Variants in NCKAP5 observed in about 807,000 individuals in gnomAD.
NCKAP5 encodes the protein NCK associated protein 5.
Under a neutral mutation model 167.0 loss-of-function variants are expected in NCKAP5, and 92 were observed. The ratio of observed to expected loss-of-function variants is 0.55; its 90% CI spans 0.47 to 0.66. The LOEUF (loss-of-function observed/expected upper bound fraction) is 0.66. Among genes scored for constraint, NCKAP5 ranks in the 30% least tolerant of loss-of-function variants. The pLI is 0.00. For synonymous variants in NCKAP5, 891 were observed against 877.4 expected (o/e 1.02, Z -0.27); for missense variants, 2,378 against 2,315.0 (o/e 1.03, Z -0.56).
At chr2:132,905,858 T>C (rs1331446251) in intron 8 of NCKAP5, among the ~76,000 whole-genome samples, 1 of 152,172 alleles carries the variant, frequency 6.6e-6, no homozygotes. Flanking sequence ...GTATATACTA[T>C]GCCACTTGCA....
chr2:133,108,508 T>C (rs2081795821), intron 6 of NCKAP5, among the ~76,000 whole-genome samples: 1 of 152,238 alleles, frequency 6.6e-6, no homozygotes, highest in African/African-American at 2.4e-5. Context: ...ATTTCAACTT[T>C]CACTATTATA....
At chr2:133,555,062 T>C (rs1019186732) in intron 2 of NCKAP5, among the ~76,000 whole-genome samples, 2 of 152,190 alleles carry the variant, frequency 1.3e-5, no homozygotes, top group African/African-American at 4.8e-5. Flanking sequence ...TCACTTGATC[T>C]CTGTCAGAGC....
intron 3 of NCKAP5, among the ~76,000 whole-genome samples, chr2:133,336,609 T>C (rs879353681): frequency 2.6e-5 from 4 of 152,156 alleles, no homozygotes; most frequent in Admixed American, 1.3e-4. Flanking sequence ...TATTTTCATA[T>C]ATATTACTGG....
At chr2:133,670,755 C>T in the NCKAP5 span, among the ~76,000 whole-genome samples, 1 of 152,110 alleles carries the variant, frequency 6.6e-6, no homozygotes, top group Admixed American at 6.5e-5. Context: ...AGCTCTGTTG[C>T]TATTCATATT....
chr2:133,273,121 G>A (rs1487219245), intron 4 of NCKAP5, among the ~76,000 whole-genome samples: 1 of 152,136 alleles, frequency 6.6e-6, no homozygotes, highest in Non-Finnish European at 1.5e-5. Context: ...TTGAGGAACT[G>A]CCAAGCTAGT....
At chr2:133,407,524 G>A (rs1688511962) in intron 3 of NCKAP5, among the ~76,000 whole-genome samples, 1 of 152,154 alleles carries the variant, frequency 6.6e-6, no homozygotes, top group Non-Finnish European at 1.5e-5. Flanking sequence ...CCATTTTTGT[G>A]TACCCTCTCC....
chr2:133,618,545 C>T, the NCKAP5 span, among the ~76,000 whole-genome samples: 1 of 149,408 alleles, frequency 6.7e-6, no homozygotes, highest in African/African-American at 2.4e-5. Flanking sequence ...CCAAAAAACA[C>T]ATGAAAAAAT....
chr2:133,595,003 C>G, the NCKAP5 span, among the ~76,000 whole-genome samples: 3 of 152,094 alleles, frequency 2.0e-5, no homozygotes, highest in African/African-American at 7.2e-5. Context: ...AAAGAAATAC[C>G]TGAAATATAA....
the NCKAP5 span, among the ~76,000 whole-genome samples, chr2:133,608,797 T>C: frequency 3.9e-5 from 6 of 152,200 alleles, no homozygotes; most frequent in African/African-American, 1.4e-4. Context: ...GTAACTTTCC[T>C]CTGCACAGAT....
chr2:132,695,457 T>C (rs1006804418), intron 19 of NCKAP5, among the ~76,000 whole-genome samples: 1 of 152,186 alleles, frequency 6.6e-6, no homozygotes, highest in Non-Finnish European at 1.5e-5. Flanking sequence ...AAGTGGCTTT[T>C]TGATCTTGGA....
the NCKAP5 span, among the ~76,000 whole-genome samples, chr2:133,619,722 T>A: frequency 6.6e-6 from 1 of 152,102 alleles, no homozygotes; most frequent in Non-Finnish European, 1.5e-5. Context: ...TTGCTAGAGA[T>A]CTAGACATCC....
chr2:132,985,107 C>A (rs2077252588), intron 7 of NCKAP5, among the ~76,000 whole-genome samples: 1 of 151,814 alleles, frequency 6.6e-6, no homozygotes, highest in South Asian at 2.1e-4. Context: ...AGAGAAGGTG[C>A]TTTTCCAGGG....
intron 6 of NCKAP5, among the ~76,000 whole-genome samples, chr2:133,071,206 G>A (rs1235276924): frequency 6.6e-6 from 1 of 152,058 alleles, no homozygotes; most frequent in East Asian, 1.9e-4. Flanking sequence ...GCACTACCAG[G>A]GTAAAATAGA....
chr2:133,267,274 T>C (rs2089287586), intron 4 of NCKAP5: 1 of 151,902 alleles, frequency 6.6e-6, no homozygotes. Context: ...TTCCCGCAGG[T>C]CCCTGGTTCC....
intron 5 of NCKAP5, among the ~76,000 whole-genome samples, chr2:133,176,149 T>G (rs560259072): frequency 7.9e-5 from 12 of 152,210 alleles, no homozygotes; most frequent in Non-Finnish European, 1.5e-4. Flanking sequence ...AATAGGCCAC[T>G]GTGACAAGGA....
At chr2:133,190,497 T>C (rs2085165178) in intron 5 of NCKAP5, among the ~76,000 whole-genome samples, 1 of 152,168 alleles carries the variant, frequency 6.6e-6, no homozygotes, top group Non-Finnish European at 1.5e-5. Context: ...GCTGGAGGCA[T>C]CACTCTACCC....
chr2:133,243,689 T>C (rs1407604252), intron 4 of NCKAP5, among the ~76,000 whole-genome samples: 2 of 152,252 alleles, frequency 1.3e-5, no homozygotes, highest in Admixed American at 6.5e-5. Flanking sequence ...ACTATGGATT[T>C]AAATTAGAAT....
chr2:133,661,091 G>A, the NCKAP5 span, among the ~76,000 whole-genome samples: 2 of 151,956 alleles, frequency 1.3e-5, no homozygotes, highest in African/African-American at 4.8e-5. Context: ...CTGTTCTCGG[G>A]GTGCACTTGG....
chr2:133,305,885 G>A (rs1171916153), intron 3 of NCKAP5, among the ~76,000 whole-genome samples: 2 of 151,928 alleles, frequency 1.3e-5, no homozygotes, highest in Non-Finnish European at 2.9e-5. Flanking sequence ...ATTTATTAAG[G>A]TATTGCCTCA....
Sources: allele counts gnomAD v4.1 joint callset (sites outside exome capture counted in the v4.1 genomes callset), GRCh38; gene constraint gnomAD v4.1.1; transcripts MANE v1.5; gene names NCBI Gene and HGNC (gene_info 2026-07-23, HGNC 2026-07-21).